Variants in CRYBG1 observed in about 807,000 individuals in gnomAD.
The protein encoded by CRYBG1 is crystallin beta-gamma domain containing 1.
In CRYBG1, 139 loss-of-function variants were observed where a neutral mutation model predicts 189.2. The observed-to-expected ratio is 0.73, with a 90% CI of 0.64 to 0.85. The LOEUF (loss-of-function observed/expected upper bound fraction) is 0.85, where lower values mean the gene tolerates loss of function less well. Among genes scored for constraint, CRYBG1 ranks in the 40% least tolerant of loss-of-function variants. CRYBG1 has a pLI of 0.00. For synonymous variants in CRYBG1, 1,023 were observed against 1,017.1 expected, an observed-to-expected ratio of 1.01 and a Z score of -0.11; for missense variants, 2,611 against 2,675.8, an observed-to-expected ratio of 0.98 and a Z score of 0.53.
intron 1 of CRYBG1, among the ~76,000 whole-genome samples, chr6:106,389,840 C>G (rs1329105362): frequency 1.3e-5 from 2 of 151,970 alleles, no homozygotes. Context: ...TAGTGAGAGG[C>G]AGGTTTCTGT....
At position 106,539,502 on chromosome 6, in the gene CRYBG1, C is replaced by T. The variant is rs1293109951; in HGVS notation, c.4818C>T (p.Tyr1606=). 8.7e-6 allele frequency: 14 copies of T among 1,613,442 alleles called. No individual in the cohort carries two copies. The highest frequency in any genetic ancestry group is 8.5e-7 in the Non-Finnish European group (1 of 1,179,716). ...CCTTCTGGGATACAGAAGAAGCGTA[C>T]ATTGGATCCATGCGGCCTCTGAAAA... is the stretch of plus-strand genomic sequence containing the variant. ...DLSFWDTEEA[Y]IGSMRPLKMG... The change falls in exon 9 of 22, where the codon TAC becomes TAT. Residue 1606 remains tyrosine (Y), a synonymous_variant. Coordinates refer to ENST00000633556, the MANE Select transcript of CRYBG1 (RefSeq NM_001371242.2).
At position 106,555,832 on chromosome 6, in the gene CRYBG1, C is replaced by G; in HGVS notation, c.5650C>G (p.Pro1884Ala). Residue 1884 changes from proline to alanine, a missense_variant, in exon 17 of 22, where the codon CCT becomes GCT. Physicochemically the swap from Pro to Ala is conservative, Grantham distance 27 (BLOSUM62 -1). Transcript: ENST00000633556. ...ATACGTGTTGGAAGAAGGCCATTAT[C>G]CTTGTCTGTCTGCAATGGGATGCCC... ...NQYVLEEGHY[P>A]CLSAMGCPPG... is the part of the protein sequence containing the mutation. The G allele has an allele frequency of 6.2e-7, 1 of 1,614,118 alleles. No homozygotes were observed. The highest frequency in any genetic ancestry group is 1.1e-5 in the South Asian group (1 of 91,082).
At position 106,541,623 on chromosome 6, in the gene CRYBG1, T is replaced by G; in HGVS notation, c.4881+2T>G. The G allele has an allele frequency of 6.3e-7, 1 of 1,594,444 alleles. No individual in the cohort carries two copies. The highest frequency in any genetic ancestry group is 8.6e-7 in the Non-Finnish European group (1 of 1,163,192). ...GTTGAATTCCCTACAGATCCAAAGG[T>G]AAAAATATATATGTATTTTTGTATG... On this transcript the variant is annotated splice_donor_variant, in intron 10 of 21. Coordinates refer to ENST00000633556, the MANE Select transcript of CRYBG1 (RefSeq NM_001371242.2). LOFTEE classifies it high-confidence loss of function.
chr6:106,479,142 G>T (rs1295591538), intron 2 of CRYBG1, among the ~76,000 whole-genome samples: 1 of 152,036 alleles, frequency 6.6e-6, no homozygotes, highest in African/African-American at 2.4e-5. Context: ...TTCCATTTTT[G>T]ACTGTTATGA....
chr6:106,418,095 G>A (rs1043172413), intron 1 of CRYBG1, among the ~76,000 whole-genome samples: 2 of 152,222 alleles, frequency 1.3e-5, no homozygotes, highest in Non-Finnish European at 2.9e-5. Flanking sequence ...CAATAAAACA[G>A]TGAGCAAAGC....
intron 1 of CRYBG1, among the ~76,000 whole-genome samples, chr6:106,396,013 C>T (rs1050301390): frequency 4.6e-5 from 7 of 152,146 alleles, no homozygotes; most frequent in Non-Finnish European, 7.3e-5. Context: ...ATTTCCAGCT[C>T]TCTGCCTTTC....
chr6:106,548,854 TC>T (rs1413683107), intron 13 of CRYBG1, among the ~76,000 whole-genome samples: 2 of 151,436 alleles, frequency 1.3e-5, no homozygotes, highest in African/African-American at 4.9e-5. Context: ...TAACTCGTCA[TC>T]TAGCATTAGG....
chr6:106,369,466 G>A (rs923102508), intron 1 of CRYBG1, among the ~76,000 whole-genome samples: 2 of 152,142 alleles, frequency 1.3e-5, no homozygotes, highest in African/African-American at 4.8e-5. Context: ...AGGTAATATC[G>A]ACAGCTCAAA....
Position 106,560,888 on chromosome 6 carries a change from G to A in CRYBG1, c.5941G>A (p.Gly1981Ser), listed in dbSNP as rs371056886. 9.3e-6 allele frequency: 15 copies of A among 1,612,510 alleles called. No homozygotes were observed. The highest frequency in any genetic ancestry group is 1.3e-5 in the African/African-American group (1 of 74,844). The change falls in exon 19 of 22, where the codon GGC becomes AGC. Residue 1981 changes from glycine to serine, a missense_variant. Physicochemically the swap from Gly to Ser is moderately conservative, Grantham distance 56 (BLOSUM62 0). Around this residue, in one of 3 missense-constraint regions of CRYBG1, gnomAD observed 1,622 missense variants for 1,735.0 expected, o/e 0.93. Coordinates refer to ENST00000633556, the MANE Select transcript of CRYBG1 (RefSeq NM_001371242.2). ...AEVPNWYEFSGCRQIGSLRPF... is the reference protein window; with the variant it reads ...AEVPNWYEFSSCRQIGSLRPF... ...AGTACCTAATTGGTATGAATTCAGTGGCTGTCGCCAAATAGGTTCTCTACG... is the reference window on the plus strand; with the variant it reads ...AGTACCTAATTGGTATGAATTCAGTAGCTGTCGCCAAATAGGTTCTCTACG...
At chr6:106,453,072 T>C (rs1314001973) in intron 2 of CRYBG1, among the ~76,000 whole-genome samples, 2 of 152,236 alleles carry the variant, frequency 1.3e-5, no homozygotes, top group Non-Finnish European at 2.9e-5. Context: ...TTCTGGAGAT[T>C]GGCTGCACAA....
At chr6:106,568,217 G>A (rs562193848) in intron 21 of CRYBG1, among the ~76,000 whole-genome samples, 8 of 152,342 alleles carry the variant, frequency 5.3e-5, no homozygotes, top group African/African-American at 1.9e-4. Context: ...AGAAAAAGGA[G>A]CCCGTGAGGT....
chr6:106,375,890 T>A (rs1396147169), intron 1 of CRYBG1, among the ~76,000 whole-genome samples: 1 of 152,222 alleles, frequency 6.6e-6, no homozygotes, highest in Non-Finnish European at 1.5e-5. Context: ...TACATGTACC[T>A]ATGATAAAGC....
chr6:106,463,742 A>C (rs532799582), intron 2 of CRYBG1, among the ~76,000 whole-genome samples: 134 of 152,248 alleles, frequency 8.8e-4, no homozygotes, highest in African/African-American at 3.1e-3. Context: ...TTAGTATTTT[A>C]ATTATTCTGT....
At chr6:106,517,393 T>TATACACACACACATATACACAC (rs1773457580) in intron 3 of CRYBG1, among the ~76,000 whole-genome samples, 1 of 124,088 alleles carries the variant, frequency 8.1e-6, no homozygotes, top group Non-Finnish European at 1.7e-5. Context: ...TACACACATA[T>TATACACACACACATATACACAC]ATATATATAC....
chr6:106,495,766 AC>A (rs1279696900), intron 2 of CRYBG1, among the ~76,000 whole-genome samples: 5 of 148,814 alleles, frequency 3.4e-5, no homozygotes, highest in African/African-American at 1.2e-4. Context: ...TATTTTATAG[AC>A]CCATTGTTGA....
At chr6:106,453,513 G>GA (rs565227341) in intron 2 of CRYBG1, among the ~76,000 whole-genome samples, 26 of 151,848 alleles carry the variant, frequency 1.7e-4, no homozygotes, top group Non-Finnish European at 2.2e-4. Context: ...TTAACTAGGG[G>GA]AAAAAAAACC....
At chr6:106,489,023 T>C (rs1317333020) in intron 2 of CRYBG1, among the ~76,000 whole-genome samples, 4 of 152,160 alleles carry the variant, frequency 2.6e-5, no homozygotes, top group Admixed American at 2.6e-4. Flanking sequence ...ACACTGGACT[T>C]AGGGCCTTCC....
Position 106,500,893 on chromosome 6 carries a change from G to T in CRYBG1, c.313-10537G>T, listed in dbSNP as rs1365108343. Among the ~76,000 whole-genome samples, 5 of 152,178 alleles carry T rather than the reference G, an allele frequency of 3.3e-5. No homozygotes were observed. In the East Asian group the frequency reaches 5.8e-4, roughly 18 times the overall value. ...AGAATAAGGCTAGAGACAGGCCTTT[G>T]TTTCTATCTGAAAGTTGCTTACTCA... On this transcript the variant is annotated intron_variant, in intron 2 of 21. Coordinates refer to ENST00000633556, the MANE Select transcript of CRYBG1 (RefSeq NM_001371242.2).
intron 13 of CRYBG1, among the ~76,000 whole-genome samples, chr6:106,548,423 G>A (rs190698338): frequency 6.6e-6 from 1 of 152,266 alleles, no homozygotes; most frequent in African/African-American, 2.4e-5. Context: ...GGCTTAGCTG[G>A]GTGTTGGGTA....
Sources: gnomAD v4.1 joint callset for allele counts (sites outside exome capture counted in the v4.1 genomes callset) on GRCh38, gnomAD v4.1.1 for gene constraint, gnomAD v4.1.1 regional missense constraint, MANE v1.5 for transcripts, NCBI Gene and HGNC (gene_info 2026-07-23, HGNC 2026-07-21) for gene names.